TMX3: variants seen among roughly 807,000 people sequenced by gnomAD.
TMX3 encodes thioredoxin related transmembrane protein 3.
TMX3 carries 40 observed loss-of-function variants against 64.4 expected under a neutral mutation model. The observed-to-expected ratio is 0.62, with a 90% CI of 0.48 to 0.81. The LOEUF is 0.81. Among genes scored for constraint, TMX3 ranks in the 30% least tolerant of loss-of-function variants. TMX3 has a pLI of 0.00. For synonymous variants in TMX3, 189 were observed against 175.7 expected, an observed-to-expected ratio of 1.08 and a Z score of -0.60; for missense variants, 497 against 534.5, an observed-to-expected ratio of 0.93 and a Z score of 0.69.
chr18:68,679,686 T>C (rs943430918), intron 14 of TMX3, 155 bp from the exon 15 acceptor site: 1 of 599,338 alleles, frequency 1.7e-6, no homozygotes, highest in East Asian at 3.0e-5. Flanking sequence ...TGTGTTGTTT[T>C]TTGTCTGTGT....
Position 68,697,111 on chromosome 18 carries a change from T to C in TMX3, c.570+115A>G, listed in dbSNP as rs1016253480. 10 of 615,826 alleles carry C rather than the reference T, an allele frequency of 1.6e-5. No homozygotes were observed. The Admixed American group carries it at 3.3e-4, about 20-fold the overall frequency. The allele number at this position is 615,826 out of a possible 1,614,324, so 38.1% of individuals were successfully genotyped here. A position where few individuals can be genotyped will look rare whatever the true frequency, so the allele number is the denominator to read the frequency against. ...TTCCAAACATATCACAGTAAATAAA[T>C]CTGATATTAAAATCAATAATTTAAT... On this transcript the variant is annotated intron_variant, in intron 8 of 15. Coordinates refer to ENST00000299608, the MANE Select transcript of TMX3 (RefSeq NM_019022.5).
intron 8 of TMX3, among the ~76,000 whole-genome samples, chr18:68,692,500 T>C (rs1568187702): frequency 1.3e-5 from 2 of 152,202 alleles, no homozygotes; most frequent in Non-Finnish European, 2.9e-5. Context: ...ACCCCCTTAC[T>C]GCATCTCCTG....
chr18:68,701,267 G>A (rs1312879617), intron 5 of TMX3, among the ~76,000 whole-genome samples: 1 of 151,990 alleles, frequency 6.6e-6, no homozygotes, highest in Non-Finnish European at 1.5e-5. Context: ...CAATTCCACA[G>A]CTCCCCACAT....
At chr18:68,704,237 T>C (rs939672677) in intron 4 of TMX3, among the ~76,000 whole-genome samples, 6 of 152,192 alleles carry the variant, frequency 3.9e-5, no homozygotes, top group Non-Finnish European at 8.8e-5. Flanking sequence ...GACACATCAA[T>C]GCACACATAG....
At chr18:68,685,793 C>G (rs1356606611) in intron 10 of TMX3, among the ~76,000 whole-genome samples, 1 of 152,098 alleles carries the variant, frequency 6.6e-6, no homozygotes, top group African/African-American at 2.4e-5. Context: ...AAAAAAATTA[C>G]AGCATAAATT....
chr18:68,676,125 T>C lies in TMX3; in HGVS notation c.*808A>G, dbSNP rs1004183484. ...GGAAATGTTAGAAGAAATCTCAATA[T>C]ATAAAATAGAAATAAAATACTAGGC... On this transcript the variant is annotated 3_prime_UTR_variant, in exon 16 of 16. Coordinates refer to ENST00000299608, the MANE Select transcript of TMX3 (RefSeq NM_019022.5). 1 of 152,108 alleles carries C rather than the reference T, an allele frequency of 6.6e-6. No individual in the cohort carries two copies. Among genetic ancestry groups the C allele is most frequent in the African/African-American group, 2.4e-5 (1 of 41,420 alleles). 9.4% of individuals were successfully genotyped at this position (152,108 alleles called of 1,614,324 possible).
chr18:68,713,779 T>C (rs540234800), intron 2 of TMX3, 67 bp downstream of exon 2: 1 of 792,522 alleles, frequency 1.3e-6, no homozygotes, highest in Non-Finnish European at 1.8e-6. Context: ...TAGAATCACA[T>C]GCAAATATTC....
chr18:68,674,039 A>G lies in TMX3; in HGVS notation c.*2894T>C, dbSNP rs1486440316. On this transcript the variant is annotated 3_prime_UTR_variant, in exon 16 of 16. Transcript: ENST00000299608. ...ATATGTTACTTTTTGCAACACCAAAATAAAAAGGTCCCAAAGCAAAACACA... is the reference window on the plus strand; with the variant it reads ...ATATGTTACTTTTTGCAACACCAAAGTAAAAAGGTCCCAAAGCAAAACACA... 1 of 152,152 alleles carries G rather than the reference A, an allele frequency of 6.6e-6. No homozygotes were observed. The highest frequency in any genetic ancestry group is 2.4e-5 in the African/African-American group (1 of 41,446). 9.4% of individuals were successfully genotyped at this position (152,152 alleles called of 1,614,324 possible).
At chr18:68,712,409 A>C (rs1026353226) in intron 2 of TMX3, among the ~76,000 whole-genome samples, 5 of 152,180 alleles carry the variant, frequency 3.3e-5, no homozygotes, top group Admixed American at 2.6e-4. Flanking sequence ...CAGTCCATGC[A>C]TTCTTGCCCA....
At position 68,711,427 on chromosome 18, in the gene TMX3, T is replaced by C. The variant is rs8083081; in HGVS notation, c.102-24A>G. On this transcript the variant is annotated intron_variant, in intron 2 of 15. Coordinates refer to ENST00000299608, the MANE Select transcript of TMX3 (RefSeq NM_019022.5). ...ACCTAAAAAACAAGAAAACAAATGT[T>C]TGATTGTATGTTTGTGTCCACTTTA... 9.9e-4 allele frequency: 1,536 copies of C among 1,554,108 alleles called. 15 individuals carry two copies. In the East Asian group the frequency reaches 0.016, roughly 16 times the overall value.
intron 2 of TMX3, among the ~76,000 whole-genome samples, chr18:68,711,743 C>T (rs1471003074): frequency 1.3e-5 from 2 of 152,192 alleles, no homozygotes; most frequent in African/African-American, 2.4e-5. Context: ...GGCTGCTATG[C>T]TTAGAAATAA....
rs191886812 is a variant in TMX3 at position 68,708,603 on chromosome 18, C to A, written c.265+1418G>T. Among the ~76,000 whole-genome samples, 3 of 152,270 alleles carry A rather than the reference C, an allele frequency of 2.0e-5. No individual in the cohort carries two copies. The East Asian group carries it at 5.8e-4, about 29-fold the overall frequency. On this transcript the variant is annotated intron_variant, in intron 4 of 15. Transcript: ENST00000299608. ...CCAGCATCCAACACCAGGATATATA[C>A]ACAAGGCTGACTTAGATGATCTCCC...
chr18:68,687,435 C>T, intron 10 of TMX3: 1 of 985,216 alleles, frequency 1.0e-6, no homozygotes. Context: ...TTTTGTTTTC[C>T]TTATCACCAT....
Position 68,715,106 on chromosome 18 carries a change from A to G in TMX3, c.-125T>C. 1 of 1,506,240 alleles carries G rather than the reference A, an allele frequency of 6.6e-7. No homozygotes were observed. Among genetic ancestry groups the G allele is most frequent in the Non-Finnish European group, 8.9e-7 (1 of 1,123,740 alleles). The allele number at this position is 1,506,240 out of a possible 1,614,324, so 93.3% of individuals were successfully genotyped here. ...GGAGCGGAAGAGAAGCACCGCGCTA[A>G]CTACGGGGGCGGGGCTACCCGGCCA... On this transcript the variant is annotated 5_prime_UTR_variant, in exon 1 of 16. Coordinates refer to ENST00000299608, the MANE Select transcript of TMX3 (RefSeq NM_019022.5).
chr18:68,680,948 A>C (rs1913363399), intron 14 of TMX3, 33 bp downstream of exon 14: 1 of 1,539,060 alleles, frequency 6.5e-7, no homozygotes, highest in African/African-American at 1.4e-5. Flanking sequence ...CCCCCTGTCC[A>C]TCATCTCTTT....
chr18:68,686,103 A>C (rs917386174), intron 10 of TMX3, among the ~76,000 whole-genome samples: 21 of 152,150 alleles, frequency 1.4e-4, no homozygotes, highest in African/African-American at 3.9e-4. Flanking sequence ...AGAACTTCTG[A>C]GAAAAGACAT....
intron 10 of TMX3, among the ~76,000 whole-genome samples, chr18:68,685,135 A>G (rs1324256829): frequency 2.0e-5 from 3 of 152,204 alleles, no homozygotes; most frequent in Admixed American, 1.3e-4. Context: ...AGCAGTGTCT[A>G]TCATGTTCTA....
intron 8 of TMX3, among the ~76,000 whole-genome samples, chr18:68,692,462 G>A (rs1383073641): frequency 3.9e-5 from 6 of 152,018 alleles, no homozygotes; most frequent in Admixed American, 3.9e-4. Context: ...CTATTCTGAA[G>A]TCAGAAATTG....
intron 4 of TMX3, among the ~76,000 whole-genome samples, chr18:68,704,606 T>A (rs1352883363): frequency 6.6e-6 from 1 of 152,210 alleles, no homozygotes; most frequent in Admixed American, 6.5e-5. Context: ...TAATTGACTT[T>A]AAATTTTTTT....
Sources: gnomAD v4.1 joint callset for allele counts (sites outside exome capture counted in the v4.1 genomes callset) on GRCh38, gnomAD v4.1.1 for gene constraint, MANE v1.5 for transcripts, NCBI Gene and HGNC (gene_info 2026-07-23, HGNC 2026-07-21) for gene names.